Variants in UGGT2 observed in about 807,000 individuals in gnomAD.
UGGT2 encodes UDP-glucose glycoprotein glucosyltransferase 2, also known as UDP-glucose:glycoprotein glucosyltransferase 2.
UGGT2 carries 180 observed loss-of-function variants against 192.1 expected under a neutral mutation model. The observed-to-expected ratio is 0.94, with a 90% CI of 0.83 to 1.06. UGGT2 has a LOEUF of 1.06. Among genes scored for constraint, UGGT2 ranks in the 50% least tolerant of loss-of-function variants. UGGT2 has a pLI of 0.00. For missense variants in UGGT2, 1,849 were observed against 1,795.7 expected (o/e 1.03, Z -0.54); for synonymous variants, 580 against 591.0 (o/e 0.98, Z 0.27).
At chr13:96,013,060 G>A (rs2052214414) in intron 5 of UGGT2, among the ~76,000 whole-genome samples, 1 of 151,936 alleles carries the variant, frequency 6.6e-6, no homozygotes, top group South Asian at 2.1e-4. Flanking sequence ...CATTATTGAA[G>A]TATGTTTTTG....
At chr13:95,944,827 A>G (rs2140566353) in intron 15 of UGGT2, among the ~76,000 whole-genome samples, 1 of 152,044 alleles carries the variant, frequency 6.6e-6, no homozygotes, top group East Asian at 1.9e-4. Flanking sequence ...ATTAATCTTA[A>G]GTGTATTGTT....
At chr13:95,872,923 C>T (rs916730481) in intron 29 of UGGT2, among the ~76,000 whole-genome samples, 10 of 152,168 alleles carry the variant, frequency 6.6e-5, no homozygotes, top group African/African-American at 2.4e-4. Flanking sequence ...CAATATTCTA[C>T]AATGATTTTC....
intron 36 of UGGT2, among the ~76,000 whole-genome samples, chr13:95,841,998 G>T (rs947290092): frequency 1.3e-5 from 2 of 152,116 alleles, no homozygotes; most frequent in African/African-American, 4.8e-5. Context: ...GAGAGTAGAG[G>T]CATAGGCTTA....
intron 38 of UGGT2, among the ~76,000 whole-genome samples, chr13:95,812,972 A>T (rs922384022): frequency 6.6e-6 from 1 of 152,168 alleles, no homozygotes; most frequent in East Asian, 1.9e-4. Context: ...TATGTGAATT[A>T]TATCTCCCCA....
At chr13:95,930,777 A>G (rs2049226530) in intron 17 of UGGT2, among the ~76,000 whole-genome samples, 1 of 152,152 alleles carries the variant, frequency 6.6e-6, no homozygotes, top group African/African-American at 2.4e-5. Flanking sequence ...GTTCTTAAAG[A>G]TGGAGTGTCC....
intron 11 of UGGT2, among the ~76,000 whole-genome samples, chr13:95,971,788 T>C (rs941665049): frequency 1.3e-5 from 2 of 152,142 alleles, no homozygotes; most frequent in Non-Finnish European, 2.9e-5. Flanking sequence ...AAAAGCCCCA[T>C]TTGAGATAAA....
rs745786271 is a variant in UGGT2, at chr13:95,927,114, A to G, written c.2114T>C (p.Val705Ala). Residue 705 changes from valine to alanine, a missense_variant, in exon 19 of 39, where the codon GTT (valine) becomes GCT (alanine). Physicochemically the swap from Val to Ala is moderately conservative, Grantham distance 64. Transcript: ENST00000376747. ...NLISTSVTADVEDFSTFFFLD... is the reference protein window; with the variant it reads ...NLISTSVTADAEDFSTFFFLD... ...GAAAAAGAAAGTAGAGAAATCTTCAACATCAGCAGTTACTGAAAAATTTCA... is the reference window on the plus strand; with the variant it reads ...GAAAAAGAAAGTAGAGAAATCTTCAGCATCAGCAGTTACTGAAAAATTTCA... 1.9e-6 allele frequency: 3 copies of G among 1,607,718 alleles called. No individual in the cohort carries two copies. In the South Asian group the frequency reaches 3.4e-5, roughly 18 times the overall value.
chr13:95,985,879 C>T (rs1315008019), intron 9 of UGGT2, among the ~76,000 whole-genome samples: 1 of 152,108 alleles, frequency 6.6e-6, no homozygotes, highest in Non-Finnish European at 1.5e-5. Context: ...AAGTACTCCA[C>T]ACAATATTCA....
At chr13:95,855,554 A>G (rs1889523516) in intron 34 of UGGT2, among the ~76,000 whole-genome samples, 1 of 142,886 alleles carries the variant, frequency 7.0e-6, no homozygotes, top group Non-Finnish European at 1.5e-5. Flanking sequence ...ATAGGGTCTC[A>G]CTCTTTCACT....
In UGGT2 at chr13:95,911,247, C is replaced by G. The variant is rs932327022; in HGVS notation, c.2296-8187G>C. ...AGAAATAACTAAGATCAGAGCAGAA[C>G]TGAAGGAGATAGAGACATAAAAAAC... On this transcript the variant is annotated intron_variant, in intron 20 of 38. Coordinates refer to ENST00000376747, the MANE Select transcript of UGGT2 (RefSeq NM_020121.4). Among the ~76,000 whole-genome samples the G allele has an allele frequency of 2.0e-5, 3 of 152,048 alleles. No individual in the cohort carries two copies. In the East Asian group the frequency reaches 5.8e-4, roughly 29 times the overall value.
chr13:95,870,110 A>G (rs2140128314), intron 29 of UGGT2, among the ~76,000 whole-genome samples: 1 of 152,326 alleles, frequency 6.6e-6, no homozygotes, highest in East Asian at 1.9e-4. Flanking sequence ...GAAAGTTATA[A>G]TTCATACGGA....
At chr13:95,930,504 T>C (rs749904751) in intron 17 of UGGT2, among the ~76,000 whole-genome samples, 2 of 152,186 alleles carry the variant, frequency 1.3e-5, no homozygotes, top group Non-Finnish European at 2.9e-5. Context: ...CTAGGACCAT[T>C]TATTGAATCG....
Position 96,049,644 on chromosome 13 carries a change from A to T in UGGT2, c.158+3511T>A, listed in dbSNP as rs1178288586. On this transcript the variant is annotated intron_variant, in intron 1 of 38. Coordinates refer to ENST00000376747, the MANE Select transcript of UGGT2 (RefSeq NM_020121.4). ...ACTTCAGCAAAGTCTCAGGATACAA[A>T]ATCAATGTACAAAAATCACAAGCAT... 5.9e-5 allele frequency among the ~76,000 whole-genome samples: 9 copies of T among 152,316 alleles called. No homozygotes were observed. In the East Asian group the frequency reaches 1.2e-3, roughly 20 times the overall value.
chr13:95,809,166 T>A, intron 38 of UGGT2: 1 of 452,698 alleles, frequency 2.2e-6, no homozygotes, highest in Non-Finnish European at 4.4e-6. Flanking sequence ...AAAAATGGGA[T>A]GAGGTGGGAT....
intron 5 of UGGT2, among the ~76,000 whole-genome samples, chr13:96,007,617 ATCAATATACAAAAT>A (rs1289696419): frequency 6.6e-6 from 1 of 152,202 alleles, no homozygotes; most frequent in Non-Finnish European, 1.5e-5. Context: ...AAGATATAAA[ATCAATATACAAAAT>A]TCAGTACTAT....
chr13:95,832,723 G>A (rs1318824842), intron 38 of UGGT2: 1 of 683,160 alleles, frequency 1.5e-6, no homozygotes, highest in East Asian at 3.4e-5. Context: ...ATGAGCTGAA[G>A]CTGTATCCAT....
intron 36 of UGGT2, among the ~76,000 whole-genome samples, chr13:95,847,367 C>T (rs1017549959): frequency 7.2e-5 from 11 of 152,136 alleles, no homozygotes; most frequent in African/African-American, 9.7e-5. Flanking sequence ...GTACATTCTA[C>T]GGGTTTGGAC....
intron 37 of UGGT2, among the ~76,000 whole-genome samples, chr13:95,833,479 T>G (rs1042481814): frequency 1.3e-4 from 20 of 152,198 alleles, no homozygotes; most frequent in African/African-American, 4.8e-4. Context: ...TGTGTATGTA[T>G]CACATAATTA....
intron 1 of UGGT2, among the ~76,000 whole-genome samples, chr13:96,042,701 C>T (rs958008289): frequency 7.3e-5 from 11 of 151,512 alleles, no homozygotes; most frequent in South Asian, 2.1e-4. Context: ...AAACAATGGA[C>T]GCACTTATAG....
Sources: allele counts gnomAD v4.1 joint callset (sites outside exome capture counted in the v4.1 genomes callset), GRCh38; gene constraint gnomAD v4.1.1; transcripts MANE v1.5; gene names NCBI Gene and HGNC (gene_info 2026-07-23, HGNC 2026-07-21).